The following TMEM178B variants were observed in gnomAD, a reference collection of about 807,000 sequenced individuals.
TMEM178B encodes transmembrane protein 178B.
TMEM178B carries 5 observed loss-of-function variants against 31.0 expected under a neutral mutation model. The ratio of observed to expected loss-of-function variants is 0.16; its 90% confidence interval spans 0.08 to 0.34. The LOEUF is 0.34. TMEM178B is among the 10% of genes least tolerant of loss of function. TMEM178B has a pLI of 1.00. For missense variants in TMEM178B, 275 were observed against 400.3 expected, an observed-to-expected ratio of 0.69 and a Z score of 2.67; for synonymous variants, 164 against 164.0, an observed-to-expected ratio of 1.00 and a Z score of 0.00.
intron 1 of TMEM178B, among the ~76,000 whole-genome samples, chr7:141,105,835 C>T (rs1268385240): frequency 6.6e-6 from 1 of 152,102 alleles, no homozygotes; most frequent in Non-Finnish European, 1.5e-5. Flanking sequence ...TGGCTCATGC[C>T]TGTAATCCCA....
intron 2 of TMEM178B, among the ~76,000 whole-genome samples, chr7:141,396,797 T>TTTC (rs1229554246): frequency 2.0e-5 from 3 of 151,686 alleles, no homozygotes; most frequent in Non-Finnish European, 2.9e-5. Context: ...CATTGCAGAG[T>TTTC]GGAAATGAGA....
At chr7:141,323,688 G>A (rs1333177169) in intron 2 of TMEM178B, among the ~76,000 whole-genome samples, 1 of 152,078 alleles carries the variant, frequency 6.6e-6, no homozygotes, top group Non-Finnish European at 1.5e-5. Flanking sequence ...ACTAGGCTAG[G>A]CACTATAGCA....
At chr7:141,376,716 A>T (rs1800221548) in intron 2 of TMEM178B, among the ~76,000 whole-genome samples, 1 of 152,184 alleles carries the variant, frequency 6.6e-6, no homozygotes, top group Non-Finnish European at 1.5e-5. Context: ...AACCACCATT[A>T]CTTTTGCACC....
intron 2 of TMEM178B, among the ~76,000 whole-genome samples, chr7:141,287,632 C>G (rs1023434139): frequency 6.6e-6 from 1 of 152,138 alleles, no homozygotes; most frequent in African/African-American, 2.4e-5. Flanking sequence ...TGTGCCTTCC[C>G]CCTCTCCTCC....
At chr7:141,233,350 A>G (rs927061597) in intron 2 of TMEM178B, among the ~76,000 whole-genome samples, 2 of 152,234 alleles carry the variant, frequency 1.3e-5, no homozygotes, top group Non-Finnish European at 2.9e-5. Flanking sequence ...CTCAAAGCCT[A>G]ATGGGGGTGA....
intron 2 of TMEM178B, chr7:141,415,428 A>G (rs1801078508): frequency 6.5e-6 from 1 of 152,904 alleles, no homozygotes; most frequent in African/African-American, 2.4e-5. Flanking sequence ...AGATGGGAAA[A>G]TTGAGACCTG....
chr7:141,476,215 C>T lies in TMEM178B; in HGVS notation c.*5429C>T, dbSNP rs1222085348. 6.6e-6 allele frequency: 1 copy of T among 152,206 alleles called. No individual in the cohort carries two copies. Among genetic ancestry groups the T allele is most frequent in the African/African-American group, 2.4e-5 (1 of 41,460 alleles). 9.4% of individuals were successfully genotyped at this position (152,206 alleles called of 1,614,324 possible). ...GCTGGACCTGTCGCACTTAAGCACA[C>T]TTAAAGGATTCTATTCTTCATTCAG... On this transcript the variant is annotated 3_prime_UTR_variant, in exon 4 of 4. Coordinates refer to ENST00000565468, the MANE Select transcript of TMEM178B (RefSeq NM_001195278.2).
At chr7:141,449,266 T>C (rs546627261) in intron 3 of TMEM178B, among the ~76,000 whole-genome samples, 171 of 152,254 alleles carry the variant, frequency 1.1e-3, no homozygotes, top group Non-Finnish European at 1.7e-3. Flanking sequence ...CCCCTCCTAT[T>C]AGACTTAAAA....
chr7:141,292,362 C>A (rs764701040), intron 2 of TMEM178B, among the ~76,000 whole-genome samples: 7 of 152,202 alleles, frequency 4.6e-5, no homozygotes, highest in Non-Finnish European at 8.8e-5. Context: ...TGTCACCTTG[C>A]CATCTTGTCT....
chr7:141,508,273 G>A, the TMEM178B span, among the ~76,000 whole-genome samples: 5 of 152,292 alleles, frequency 3.3e-5, no homozygotes, highest in East Asian at 9.6e-4. Flanking sequence ...CATAACAAGA[G>A]TCACCTTTAC....
intron 2 of TMEM178B, among the ~76,000 whole-genome samples, chr7:141,225,701 T>C (rs1334815949): frequency 6.6e-6 from 1 of 152,194 alleles, no homozygotes; most frequent in African/African-American, 2.4e-5. Context: ...CAGCTACATC[T>C]GTCATTTTTA....
intron 2 of TMEM178B, among the ~76,000 whole-genome samples, chr7:141,327,405 G>A (rs1001152787): frequency 2.0e-5 from 3 of 152,204 alleles, no homozygotes; most frequent in East Asian, 1.9e-4. Context: ...CCACACATGC[G>A]CAACCTCCCC....
intron 3 of TMEM178B, among the ~76,000 whole-genome samples, chr7:141,452,899 A>G (rs995254538): frequency 1.3e-5 from 2 of 152,214 alleles, no homozygotes; most frequent in African/African-American, 4.8e-5. Flanking sequence ...ATAAAGGCCA[A>G]TGTCCCCAGC....
At chr7:141,313,274 T>C (rs1798945400) in intron 2 of TMEM178B, among the ~76,000 whole-genome samples, 1 of 152,200 alleles carries the variant, frequency 6.6e-6, no homozygotes, top group Non-Finnish European at 1.5e-5. Flanking sequence ...CTTCTGTCCA[T>C]GTCCTCACCA....
intron 3 of TMEM178B, among the ~76,000 whole-genome samples, chr7:141,464,783 TCCCCAAGACCTGG>T (rs1169203936): frequency 6.6e-6 from 1 of 152,022 alleles, no homozygotes; most frequent in Admixed American, 6.6e-5. Context: ...CAATGCCCCC[TCCCCAAGACCTGG>T]CATTGCTTAC....
Position 141,478,014 on chromosome 7 carries a change from A to T in TMEM178B, c.*7228A>T, listed in dbSNP as rs1448783177. ...AGGAGAAAGAGCATCCAAGGAGATGATGTGTGAATTGCTTTGTAATTTATG... is the reference window on the plus strand; with the variant it reads ...AGGAGAAAGAGCATCCAAGGAGATGTTGTGTGAATTGCTTTGTAATTTATG... On this transcript the variant is annotated 3_prime_UTR_variant, in exon 4 of 4. Transcript: ENST00000565468. 6.6e-6 allele frequency: 1 copy of T among 152,430 alleles called. No homozygotes were observed. Among genetic ancestry groups the T allele is most frequent in the African/African-American group, 2.4e-5 (1 of 41,422 alleles). The allele number at this position is 152,430 out of a possible 1,614,324, so 9.4% of individuals were successfully genotyped here.
At chr7:141,502,504 G>A in the TMEM178B span, among the ~76,000 whole-genome samples, 1 of 152,220 alleles carries the variant, frequency 6.6e-6, no homozygotes, top group South Asian at 2.1e-4. Context: ...GGGCGTGGTG[G>A]CTCACGCCTG....
At chr7:141,378,592 G>A (rs1053664122) in intron 2 of TMEM178B, among the ~76,000 whole-genome samples, 2 of 152,208 alleles carry the variant, frequency 1.3e-5, no homozygotes, top group Non-Finnish European at 2.9e-5. Flanking sequence ...GCTCCTAAGC[G>A]AAGGTGGTAC....
chr7:141,106,857 T>C (rs573303492), intron 1 of TMEM178B, among the ~76,000 whole-genome samples: 1 of 152,310 alleles, frequency 6.6e-6, no homozygotes, highest in South Asian at 2.1e-4. Flanking sequence ...GTTCTAGGCA[T>C]CCAAAATTCA....
Sources: gnomAD v4.1 joint callset for allele counts (sites outside exome capture counted in the v4.1 genomes callset) on GRCh38, gnomAD v4.1.1 for gene constraint, MANE v1.5 for transcripts, NCBI Gene and HGNC (gene_info 2026-07-23, HGNC 2026-07-21) for gene names.